The following PLEKHG4B variants were observed in gnomAD, a reference collection of about 807,000 sequenced individuals.
PLEKHG4B encodes pleckstrin homology and RhoGEF domain containing G4B.
Under a neutral mutation model 121.3 loss-of-function variants are expected in PLEKHG4B, and 111 were observed. The observed-to-expected ratio is 0.92, with a 90% CI of 0.78 to 1.07. The LOEUF is 1.07. Ranked by LOEUF, PLEKHG4B falls within the 50% of genes least tolerant of loss-of-function variation. The pLI, the probability that PLEKHG4B is intolerant of heterozygous loss-of-function variation, is 0.00. For missense variants in PLEKHG4B, 1,831 were observed against 1,757.8 expected, an observed-to-expected ratio of 1.04 and a Z score of -0.74; for synonymous variants, 738 against 725.0, an observed-to-expected ratio of 1.02 and a Z score of -0.29.
chr5:140,188 C>A lies in PLEKHG4B; in HGVS notation c.949C>A (p.Gln317Lys). Residue 317 changes from glutamine to lysine, a missense_variant, in exon 3 of 20, where the codon CAG becomes AAG. By Grantham distance (53) the Gln-to-Lys change is moderately conservative (BLOSUM62 1). Coordinates refer to ENST00000637938, the MANE Select transcript of PLEKHG4B (RefSeq NM_052909.5). ...GGGGGAGAGGCCGGACCCCATGGAC[C>A]AGGAGGACAGACCCAAGGCCCTCAC... is the stretch of plus-strand genomic sequence containing the variant. The part of the protein sequence containing the change: ...GSGERPDPMD[Q>K]EDRPKALTFH... 9.2e-7 allele frequency: 1 copy of A among 1,086,326 alleles called. No homozygotes were observed. The highest frequency in any genetic ancestry group is 1.3e-6 in the Non-Finnish European group (1 of 775,066). The allele number at this position is 1,086,326 out of a possible 1,614,324, so 67.3% of individuals were successfully genotyped here.
chr5:164,499 A>G lies in PLEKHG4B; in HGVS notation c.3476+951A>G, dbSNP rs1180243649. Among the ~76,000 whole-genome samples, 3 of 97,640 alleles carry G rather than the reference A, an allele frequency of 3.1e-5. 1 individual carries two copies. The highest frequency in any genetic ancestry group is 6.1e-5 in the Non-Finnish European group (3 of 48,844). 64.1% of individuals were successfully genotyped at this position (97,640 alleles called of 152,430 possible). On this transcript the variant is annotated intron_variant, in intron 13 of 19. Coordinates refer to ENST00000637938, the MANE Select transcript of PLEKHG4B (RefSeq NM_052909.5). ...GAGCAGAGCTCACACTAATGCTCTG[A>G]CAGGGGGCGGAGCTCACACAGTAAT...
rs564653154 is a variant in PLEKHG4B at position 132,738 on chromosome 5, T to A, written c.244-6745T>A. ...GTGTATTTCCGGGTTCTCTATTCTG[T>A]TCCATTGGTTTATACACCTATTTTT... On this transcript the variant is annotated intron_variant, in intron 2 of 19. Coordinates refer to ENST00000637938, the MANE Select transcript of PLEKHG4B (RefSeq NM_052909.5). Among the ~76,000 whole-genome samples, 3 of 152,324 alleles carry A rather than the reference T, an allele frequency of 2.0e-5. No individual in the cohort carries two copies. The South Asian group carries it at 6.2e-4, about 32-fold the overall frequency.
intron 18 of PLEKHG4B, 98 bp downstream of exon 18, chr5:174,196 A>T: frequency 2.6e-3 from 589 of 222,768 alleles, no homozygotes; most frequent in Middle Eastern, 6.3e-3. Context: ...GGCTGAGTCC[A>T]GGGGCCAGGG....
At chr5:118,015 G>A (rs1170372046) in intron 2 of PLEKHG4B, among the ~76,000 whole-genome samples, 1 of 152,088 alleles carries the variant, frequency 6.6e-6, no homozygotes, top group African/African-American at 2.4e-5. Flanking sequence ...AAAGCCATGG[G>A]AAGTAAAAAG....
At chr5:123,413 T>A (rs888269262) in intron 2 of PLEKHG4B, among the ~76,000 whole-genome samples, 14 of 152,174 alleles carry the variant, frequency 9.2e-5, no homozygotes, top group Admixed American at 7.9e-4. Flanking sequence ...AAGTATTCCC[T>A]CCTCTTTAAT....
At chr5:148,751 G>C (rs11950146) in intron 6 of PLEKHG4B, among the ~76,000 whole-genome samples, 88 of 152,068 alleles carry the variant, frequency 5.8e-4, no homozygotes, top group Non-Finnish European at 2.5e-4. Context: ...AATCTCAAAG[G>C]ACTCCAAATA....
chr5:122,272 T>C (rs752593698), intron 2 of PLEKHG4B, among the ~76,000 whole-genome samples: 70 of 152,174 alleles, frequency 4.6e-4, no homozygotes, highest in Non-Finnish European at 5.7e-4. Flanking sequence ...AACAAGATGA[T>C]AGATTTGATT....
intron 2 of PLEKHG4B, among the ~76,000 whole-genome samples, chr5:126,333 GTTA>G (rs1734612689): frequency 1.3e-5 from 2 of 152,102 alleles, no homozygotes; most frequent in African/African-American, 4.8e-5. Context: ...TTTCATTTCA[GTTA>G]TTATACTTTT....
rs35025165 is a variant in PLEKHG4B at position 108,685 on chromosome 5, T to TAGAC, written c.46-4565_46-4562dup. ...ACAGACTGGGTGCAGATGGCTGGTG[T>TAGAC]AGACTGAGTGCAGATGGCTGGTGTA... On this transcript the variant is annotated intron_variant, in intron 1 of 19. Coordinates refer to ENST00000637938, the MANE Select transcript of PLEKHG4B (RefSeq NM_052909.5). Among the ~76,000 whole-genome samples the TAGAC allele has an allele frequency of 1.2e-3, 116 of 98,722 alleles. 5 individuals are homozygous for TAGAC. The highest frequency in any genetic ancestry group is 5.2e-3 in the African/African-American group (74 of 14,202). 64.8% of individuals were successfully genotyped at this position (98,722 alleles called of 152,430 possible).
rs575177831 is a variant in PLEKHG4B at position 186,695 on chromosome 5, G to C, written c.*4372G>C. The C allele has an allele frequency of 5.2e-5, 8 of 152,888 alleles. No individual in the cohort carries two copies. Among genetic ancestry groups the C allele is most frequent in the African/African-American group, 1.9e-4 (8 of 41,582 alleles). 9.5% of individuals were successfully genotyped at this position (152,888 alleles called of 1,614,324 possible). ...CTGATGCCTCCCCAGCCCTGCCCAG[G>C]AAGGGTTTGTGGCCACAGCCCCACA... On this transcript the variant is annotated 3_prime_UTR_variant, in exon 20 of 20. Transcript: ENST00000637938.
At chr5:146,099 T>C in intron 6 of PLEKHG4B, among the ~76,000 whole-genome samples, 1 of 136,676 alleles carries the variant, frequency 7.3e-6, no homozygotes, top group East Asian at 2.3e-4. Flanking sequence ...GAGTCCTCCC[T>C]CCTCTCCCTA....
At position 137,841 on chromosome 5, in the gene PLEKHG4B, G is replaced by A. The variant is rs561111934; in HGVS notation, c.244-1642G>A. Among the ~76,000 whole-genome samples the A allele has an allele frequency of 3.1e-4, 47 of 152,298 alleles. No homozygotes were observed. In the East Asian group the frequency reaches 5.8e-3, roughly 19 times the overall value. ...AGGCTCGGGGAGGCCCTTATGGACC[G>A]GCAGGTACCTGTCTCTTCTGGGGTG... is the stretch of plus-strand genomic sequence containing the variant. On this transcript the variant is annotated intron_variant, in intron 2 of 19. Coordinates refer to ENST00000637938, the MANE Select transcript of PLEKHG4B (RefSeq NM_052909.5). The surrounding 1 kb of genome is among the most constrained non-coding windows in gnomAD (Gnocchi z 4.2).
chr5:153,514 C>T, intron 7 of PLEKHG4B, among the ~76,000 whole-genome samples: 1 of 152,188 alleles, frequency 6.6e-6, no homozygotes, highest in South Asian at 2.1e-4. Context: ...GGTTCAGGGT[C>T]AGCCAGAGAC....
chr5:181,913 C>T (rs550114294), intron 19 of PLEKHG4B, 91 bp from the exon 20 acceptor site: 60 of 1,433,806 alleles, frequency 4.2e-5, no homozygotes, highest in Non-Finnish European at 4.6e-5. Flanking sequence ...AAAGCCTGGT[C>T]GGCCTTTCAG....
At chr5:155,584 C>A in intron 9 of PLEKHG4B, 141 bp downstream of exon 9, 1 of 675,490 alleles carries the variant, frequency 1.5e-6, no homozygotes, top group Non-Finnish European at 2.6e-6. Flanking sequence ...TTTGTAGATC[C>A]CTCTTAATTC....
chr5:165,026 A>G (rs368280305), intron 13 of PLEKHG4B, among the ~76,000 whole-genome samples: 2,388 of 17,130 alleles, frequency 0.14, 505 homozygotes, highest in Non-Finnish European at 0.18. Flanking sequence ...ATGCTCTGAC[A>G]GGGCGGAGCT....
chr5:118,643 T>C (rs951534555), intron 2 of PLEKHG4B, among the ~76,000 whole-genome samples: 20 of 152,326 alleles, frequency 1.3e-4, no homozygotes, highest in Admixed American at 1.1e-3. Context: ...GTATTTTGAC[T>C]TCCTCTCATG....
chr5:100,918 C>T (rs1733786894), intron 1 of PLEKHG4B, among the ~76,000 whole-genome samples: 1 of 103,298 alleles, frequency 9.7e-6, no homozygotes, highest in Admixed American at 9.2e-5. Flanking sequence ...ATATAAAGCC[C>T]TGGAAAAAGT....
intron 6 of PLEKHG4B, among the ~76,000 whole-genome samples, chr5:148,670 G>A (rs1735507961): frequency 6.6e-6 from 1 of 152,178 alleles, no homozygotes; most frequent in Non-Finnish European, 1.5e-5. Flanking sequence ...TATAGATTCA[G>A]TGCAATCCCT....
Sources: allele counts gnomAD v4.1 joint callset (sites outside exome capture counted in the v4.1 genomes callset), GRCh38; gene constraint gnomAD v4.1.1; non-coding constraint Gnocchi (gnomAD v3.1); transcripts MANE v1.5; gene names NCBI Gene and HGNC (gene_info 2026-07-23, HGNC 2026-07-21).